The following CALY variants were observed in gnomAD, a reference collection of about 807,000 sequenced individuals.
The protein encoded by CALY is calcyon neuron specific vesicular protein, also known as neuron-specific vesicular protein calcyon.
Under a neutral mutation model 20.2 loss-of-function variants are expected in CALY, and 15 were observed. The ratio of observed to expected loss-of-function variants is 0.74; its 90% confidence interval spans 0.50 to 1.14. The LOEUF (loss-of-function observed/expected upper bound fraction) is 1.14, where lower values mean the gene tolerates loss of function less well. Ranked by LOEUF, CALY falls within the 50% of genes most tolerant of loss-of-function variation. The pLI is 0.00. For missense variants in CALY, 270 were observed against 304.4 expected (o/e 0.89, Z 0.84); for synonymous variants, 129 against 131.8 (o/e 0.98, Z 0.15).
chr10:133,335,988 C>G, intron 1 of CALY, among the ~76,000 whole-genome samples: 1 of 152,090 alleles, frequency 6.6e-6, no homozygotes, highest in East Asian at 1.9e-4. Context: ...GTCACAGACT[C>G]GCTTCCGCAT....
chr10:133,328,600 C>CTGTCTA (rs1469490621), intron 2 of CALY, among the ~76,000 whole-genome samples: 2 of 152,204 alleles, frequency 1.3e-5, no homozygotes, highest in Non-Finnish European at 2.9e-5. Context: ...AGCACGTGGG[C>CTGTCTA]GGGGTGCTGT....
chr10:133,331,654 T>C (rs1848311074), intron 1 of CALY, among the ~76,000 whole-genome samples: 1 of 152,014 alleles, frequency 6.6e-6, no homozygotes, highest in Non-Finnish European at 1.5e-5. Flanking sequence ...CCCAAGTAAA[T>C]GGGGAAGGCT....
At chr10:133,331,635 G>A (rs1848310642) in intron 1 of CALY, among the ~76,000 whole-genome samples, 1 of 152,162 alleles carries the variant, frequency 6.6e-6, no homozygotes, top group South Asian at 2.1e-4. Context: ...ACCAAGAAAA[G>A]CTAAATTCCC....
At chr10:133,329,543 G>A (rs577175433) in intron 1 of CALY, among the ~76,000 whole-genome samples, 5 of 151,942 alleles carry the variant, frequency 3.3e-5, no homozygotes, top group Admixed American at 1.3e-4. Context: ...GCCCCACCAC[G>A]CCTGGCTAAT....
chr10:133,325,850 C>T lies in CALY; in HGVS notation c.631G>A (p.Ala211Thr), dbSNP rs1848195266. The T allele has an allele frequency of 9.7e-6, 12 of 1,232,942 alleles. No individual in the cohort carries two copies. In the South Asian group the frequency reaches 4.4e-4, roughly 46 times the overall value. The allele number at this position is 1,232,942 out of a possible 1,614,324, so 76.4% of individuals were successfully genotyped here. The change falls in exon 5 of 6, where the codon GCG (alanine) becomes ACG (threonine). Residue 211 changes from alanine to threonine, a missense_variant. Transcript: ENST00000252939. The stretch of plus-strand genomic sequence containing the variant: ...CGTCACTGCGCGGGCGGGGGCGCCG[C>T]GCTCCCGGCCGCCTTCCGCGCCGCC... Reference protein sequence around the residue: ...KEAARKAAGSAAPPPAQ With the variant: ...KEAARKAAGSTAPPPAQ
chr10:133,327,816 G>T, intron 3 of CALY, 89 bp downstream of exon 3: 1 of 847,348 alleles, frequency 1.2e-6, no homozygotes, highest in South Asian at 1.4e-5. Flanking sequence ...ACCCCAGACT[G>T]GCCTGGACGG....
chr10:133,331,452 C>T, intron 1 of CALY, among the ~76,000 whole-genome samples: 1 of 152,154 alleles, frequency 6.6e-6, no homozygotes, highest in East Asian at 1.9e-4. Context: ...ATTCAGAAAT[C>T]AGTTACATTC....
At position 133,325,027 on chromosome 10, in the gene CALY, G is replaced by T. The variant is rs1848180091; in HGVS notation, c.*568C>A. Reference sequence around the variant, plus strand: ...TGCTCATGGGTGCCGCCCAGAACCAGGGGTCCCCCGGGAGGCAGACACTCC... The same window carrying T: ...TGCTCATGGGTGCCGCCCAGAACCATGGGTCCCCCGGGAGGCAGACACTCC... On this transcript the variant is annotated 3_prime_UTR_variant, in exon 6 of 6. Coordinates refer to ENST00000252939, the MANE Select transcript of CALY (RefSeq NM_015722.4). 6.4e-6 allele frequency: 1 copy of T among 155,886 alleles called. No individual in the cohort carries two copies. Among genetic ancestry groups the T allele is most frequent in the East Asian group, 1.9e-4 (1 of 5,224 alleles). 9.7% of individuals were successfully genotyped at this position (155,886 alleles called of 1,614,324 possible).
At chr10:133,325,726 G>T in intron 5 of CALY, 73 bp downstream of exon 5, 1 of 659,510 alleles carries the variant, frequency 1.5e-6, no homozygotes, top group Non-Finnish European at 2.1e-6. Context: ...GGGGTCTTTG[G>T]CTCAGAAGCG....
intron 1 of CALY, among the ~76,000 whole-genome samples, chr10:133,330,617 CA>C (rs2133380224): frequency 7.7e-6 from 1 of 130,204 alleles, no homozygotes; most frequent in African/African-American, 2.8e-5. Flanking sequence ...GAGATCGCGC[CA>C]CCGCACTCCA....
intron 3 of CALY, 141 bp downstream of exon 3, chr10:133,327,764 G>A (rs1000981551): frequency 2.5e-5 from 18 of 722,160 alleles, no homozygotes; most frequent in African/African-American, 3.5e-5. Context: ...AGCTCTGGGC[G>A]GGATGACTCA....
chr10:133,325,788 C>G lies in CALY; in HGVS notation c.*28+11G>C, dbSNP rs1848192495. The G allele has an allele frequency of 8.9e-7, 1 of 1,128,758 alleles. No individual in the cohort carries two copies. The highest frequency in any genetic ancestry group is 1.1e-6 in the Non-Finnish European group (1 of 903,864). The allele number at this position is 1,128,758 out of a possible 1,614,324, so 69.9% of individuals were successfully genotyped here. ...GGCAGAGCCGGCCGGAGCCCCGCGG[C>G]GCGCACCTACCCCGGGCCGGGCTGC... On this transcript the variant is annotated intron_variant, in intron 5 of 5. Coordinates refer to ENST00000252939, the MANE Select transcript of CALY (RefSeq NM_015722.4).
Position 133,324,308 on chromosome 10 carries a change from T to C in CALY, c.*1287A>G, listed in dbSNP as rs1848168352. The C allele has an allele frequency of 2.2e-6, 1 of 455,274 alleles. No individual in the cohort carries two copies. Among genetic ancestry groups the C allele is most frequent in the Admixed American group, 2.4e-5 (1 of 42,542 alleles). The allele number at this position is 455,274 out of a possible 1,614,324, so 28.2% of individuals were successfully genotyped here. A position where few individuals can be genotyped will look rare whatever the true frequency, so the allele number is the denominator to read the frequency against. On this transcript the variant is annotated 3_prime_UTR_variant, in exon 6 of 6. Transcript: ENST00000252939. ...CACCTGGCTGGCTTCCAGCTCACCA[T>C]GGCTTCCCTGGCAGGCCCAGTTCAC...
At chr10:133,335,323 A>G (rs1848420369) in intron 1 of CALY, among the ~76,000 whole-genome samples, 1 of 152,140 alleles carries the variant, frequency 6.6e-6, no homozygotes, top group Admixed American at 6.5e-5. Flanking sequence ...GCCATAGGGT[A>G]GGGCCACGCC....
chr10:133,331,790 T>A (rs1848313705), intron 1 of CALY, among the ~76,000 whole-genome samples: 1 of 152,128 alleles, frequency 6.6e-6, no homozygotes, highest in Non-Finnish European at 1.5e-5. Flanking sequence ...CACTGTCATT[T>A]TATATGGAAG....
At chr10:133,328,385 C>T (rs1396955593) in intron 2 of CALY, among the ~76,000 whole-genome samples, 1 of 152,170 alleles carries the variant, frequency 6.6e-6, no homozygotes, top group Non-Finnish European at 1.5e-5. Context: ...AGGGACAACT[C>T]GGGGTGCCCT....
At chr10:133,336,538 C>G (rs1208218339) in intron 1 of CALY, among the ~76,000 whole-genome samples, 1 of 152,300 alleles carries the variant, frequency 6.6e-6, no homozygotes, top group East Asian at 1.9e-4. Flanking sequence ...CGTGCCGGGG[C>G]CCCGCCGTCA....
chr10:133,330,859 G>T (rs1367565937), intron 1 of CALY, among the ~76,000 whole-genome samples: 2 of 151,816 alleles, frequency 1.3e-5, no homozygotes, highest in African/African-American at 4.8e-5. Flanking sequence ...AAGGACAGCA[G>T]CGGAGAGGAG....
At chr10:133,333,455 G>C (rs1029299399) in intron 1 of CALY, among the ~76,000 whole-genome samples, 1 of 145,638 alleles carries the variant, frequency 6.9e-6, no homozygotes, top group Admixed American at 7.0e-5. Flanking sequence ...TGCGGGGAGG[G>C]ATCCGAAGGG....
Sources: allele counts gnomAD v4.1 joint callset (sites outside exome capture counted in the v4.1 genomes callset), GRCh38; gene constraint gnomAD v4.1.1; transcripts MANE v1.5; gene names NCBI Gene and HGNC (gene_info 2026-07-23, HGNC 2026-07-21).